Variants in PLA2G4C observed in about 807,000 individuals in gnomAD.
The protein encoded by PLA2G4C is cytosolic phospholipase A2 gamma.
PLA2G4C carries 64 observed loss-of-function variants against 73.8 expected under a neutral mutation model. The observed-to-expected ratio is 0.87, with a 90% confidence interval of 0.71 to 1.07. The LOEUF (loss-of-function observed/expected upper bound fraction) is 1.07, where lower values mean the gene tolerates loss of function less well. Ranked by LOEUF, PLA2G4C falls within the 50% of genes least tolerant of loss-of-function variation. The pLI is 0.00. For synonymous variants in PLA2G4C, 254 were observed against 252.1 expected, an observed-to-expected ratio of 1.01 and a Z score of -0.07; for missense variants, 622 against 665.4, an observed-to-expected ratio of 0.93 and a Z score of 0.72.
chr19:48,068,190 A>T (rs1968517865), intron 12 of PLA2G4C, among the ~76,000 whole-genome samples: 1 of 151,824 alleles, frequency 6.6e-6, no homozygotes, highest in African/African-American at 2.4e-5. Context: ...CTGTAGTCCC[A>T]GCTACTGGGG....
intron 9 of PLA2G4C, 30 bp downstream of exon 9, chr19:48,088,656 C>T: frequency 1.3e-6 from 2 of 1,553,726 alleles, no homozygotes; most frequent in Non-Finnish European, 1.8e-6. Context: ...CCATTATCAT[C>T]AGGGATTCAT....
chr19:48,067,768 C>A (rs762575214), intron 13 of PLA2G4C, 23 bp downstream of exon 13: 4 of 1,474,718 alleles, frequency 2.7e-6, no homozygotes, highest in Admixed American at 3.3e-5. Flanking sequence ...CAGACCAGGG[C>A]GGTGGGAAGA....
At chr19:48,054,266 C>T (rs958726289) in intron 15 of PLA2G4C, among the ~76,000 whole-genome samples, 2 of 152,042 alleles carry the variant, frequency 1.3e-5, no homozygotes, top group Non-Finnish European at 2.9e-5. Context: ...ATGCTGTTCT[C>T]GTGACAGTGA....
intron 10 of PLA2G4C, among the ~76,000 whole-genome samples, chr19:48,084,486 G>C (rs1342418572): frequency 6.6e-6 from 1 of 152,216 alleles, no homozygotes; most frequent in Non-Finnish European, 1.5e-5. Flanking sequence ...TTCCATGAGA[G>C]GAGAGAGCTG....
At chr19:48,096,237 T>G (rs2031560585) in intron 6 of PLA2G4C, among the ~76,000 whole-genome samples, 1 of 152,134 alleles carries the variant, frequency 6.6e-6, no homozygotes, top group African/African-American at 2.4e-5. Context: ...CGGAGTCAGC[T>G]GTATCTGCTC....
chr19:48,090,740 G>A, intron 7 of PLA2G4C: 2 of 323,338 alleles, frequency 6.2e-6, no homozygotes, highest in East Asian at 6.7e-5. Context: ...CAGCACACAG[G>A]CAGGAAGGGC....
In PLA2G4C at chr19:48,055,171, G is replaced by T. The variant is rs1472747932; in HGVS notation, c.1258-122C>A. The T allele has an allele frequency of 3.5e-6, 3 of 860,988 alleles. No individual in the cohort carries two copies. The African/African-American group carries it at 5.2e-5, about 15-fold the overall frequency. 53.3% of individuals were successfully genotyped at this position (860,988 alleles called of 1,614,324 possible). ...CAGCCCAGACACACAACAGAGCAAG[G>T]GTCAGCTTGGACAGGGACAACATCT... is the stretch of plus-strand genomic sequence containing the variant. On this transcript the variant is annotated intron_variant, in intron 14 of 16. Transcript: ENST00000599921.
At chr19:48,080,818 A>G (rs1199421796) in intron 10 of PLA2G4C, among the ~76,000 whole-genome samples, 1 of 151,216 alleles carries the variant, frequency 6.6e-6, no homozygotes, top group Non-Finnish European at 1.5e-5. Context: ...AAAAAAAAAA[A>G]AGACACATGC....
At chr19:48,102,780 T>G (rs959066236) in intron 4 of PLA2G4C, among the ~76,000 whole-genome samples, 1 of 152,204 alleles carries the variant, frequency 6.6e-6, no homozygotes, top group African/African-American at 2.4e-5. Flanking sequence ...TGATTTTGAG[T>G]GCTCCTTTGA....
At chr19:48,099,952 A>C in intron 4 of PLA2G4C, 92 bp from the exon 5 acceptor site, 1 of 794,476 alleles carries the variant, frequency 1.3e-6, no homozygotes, top group Non-Finnish European at 2.0e-6. Context: ...CTTCACAGGA[A>C]CACCTGCCTC....
chr19:48,105,290 G>A (rs368979655), intron 3 of PLA2G4C, 43 bp downstream of exon 3: 1 of 1,361,770 alleles, frequency 7.3e-7, no homozygotes, highest in African/African-American at 1.5e-5. Flanking sequence ...CACAGAGGGG[G>A]CGATTCTGGG....
At chr19:48,065,250 G>A (rs1968363713) in intron 13 of PLA2G4C, among the ~76,000 whole-genome samples, 2 of 148,952 alleles carry the variant, frequency 1.3e-5, no homozygotes, top group South Asian at 2.1e-4. Flanking sequence ...AGTCATGGAG[G>A]GGTAGAGGTG....
chr19:48,107,690 G>A (rs1289663368), intron 1 of PLA2G4C, among the ~76,000 whole-genome samples: 6 of 152,126 alleles, frequency 3.9e-5, no homozygotes, highest in South Asian at 2.1e-4. Context: ...AGGCCCGCCC[G>A]CAGTTATCCA....
rs8111267 is a variant in PLA2G4C, at chr19:48,060,155, G to T, written c.1257+1843C>A. 3.4e-3 allele frequency among the ~76,000 whole-genome samples: 521 copies of T among 152,172 alleles called. 5 individuals are homozygous for T. Among genetic ancestry groups the T allele is most frequent in the African/African-American group, 0.012 (501 of 41,500 alleles). ...TCAGCTCGCAGACGGCCTATTGTAG[G>T]ACTCCACCTTGTGATCCTGAAACTC... is the stretch of plus-strand genomic sequence containing the variant. On this transcript the variant is annotated intron_variant, in intron 14 of 16. Coordinates refer to ENST00000599921, the MANE Select transcript of PLA2G4C (RefSeq NM_003706.3).
intron 5 of PLA2G4C, among the ~76,000 whole-genome samples, chr19:48,098,834 C>T (rs919771211): frequency 6.9e-6 from 1 of 144,832 alleles, no homozygotes; most frequent in African/African-American, 2.5e-5. Context: ...CCCAGGAGGT[C>T]AAGGCTGCAG....
chr19:48,102,781 G>A (rs2031983484), intron 4 of PLA2G4C, among the ~76,000 whole-genome samples: 1 of 152,170 alleles, frequency 6.6e-6, no homozygotes, highest in South Asian at 2.1e-4. Flanking sequence ...GATTTTGAGT[G>A]CTCCTTTGAA....
intron 5 of PLA2G4C, 108 bp downstream of exon 5, chr19:48,099,563 A>G (rs1428840462): frequency 1.2e-5 from 9 of 735,568 alleles, no homozygotes; most frequent in Non-Finnish European, 1.8e-5. Context: ...TGACTTGAAA[A>G]TCCTGAAGGA....
At chr19:48,105,081 T>TTA (rs1196677336) in intron 3 of PLA2G4C, among the ~76,000 whole-genome samples, 2 of 20,848 alleles carry the variant, frequency 9.6e-5, no homozygotes, top group African/African-American at 4.3e-4. Context: ...AGACGTTGTC[T>TTA]CAAAAAAAAA....
chr19:48,105,544 C>G (rs1255032660), intron 2 of PLA2G4C, 100 bp from the exon 3 acceptor site: 1 of 810,480 alleles, frequency 1.2e-6, no homozygotes, highest in East Asian at 2.4e-5. Context: ...CAGGTAGCCA[C>G]CAGCCCACGG....
Sources: allele counts gnomAD v4.1 joint callset (sites outside exome capture counted in the v4.1 genomes callset), GRCh38; gene constraint gnomAD v4.1.1; transcripts MANE v1.5; gene names NCBI Gene and HGNC (gene_info 2026-07-23, HGNC 2026-07-21).